Variants in PALS2 observed in about 807,000 individuals in gnomAD.
PALS2 encodes the protein protein associated with LIN7 2, MAGUK p55 family member.
PALS2 carries 27 observed loss-of-function variants against 61.6 expected under a neutral mutation model. That is an observed-to-expected ratio of 0.44 (90% confidence interval 0.32 to 0.60). PALS2 has a LOEUF of 0.60. PALS2 is among the 20% of genes least tolerant of loss of function. PALS2 has a pLI of 0.05. For missense variants in PALS2, 554 were observed against 639.4 expected (o/e 0.87, Z 1.44); for synonymous variants, 236 against 218.6 (o/e 1.08, Z -0.70).
chr7:24,663,667 T>C lies in PALS2; in HGVS notation c.729T>C (p.Phe243=), dbSNP rs1259463825. The C allele has an allele frequency of 6.2e-7, 1 of 1,607,780 alleles. No homozygotes were observed. Among genetic ancestry groups the C allele is most frequent in the Non-Finnish European group, 8.5e-7 (1 of 1,174,798 alleles). ...CTTGCAAAGAAGCAGGATTGAAGTT[T>C]TCCAAAGGAGAGATTCTTCAGATTG... ...LIPCKEAGLK[F]SKGEILQIVN... The change falls in exon 6 of 12, where the codon TTT becomes TTC. Residue 243 remains phenylalanine (F), a synonymous_variant. Coordinates refer to ENST00000222644, the MANE Select transcript of PALS2 (RefSeq NM_001303037.2).
At chr7:24,640,747 G>A (rs990382139) in intron 2 of PALS2, among the ~76,000 whole-genome samples, 2 of 152,128 alleles carry the variant, frequency 1.3e-5, no homozygotes, top group African/African-American at 4.8e-5. Context: ...GGTGGCTCAT[G>A]CCTGTAATCC....
chr7:24,597,753 T>A (rs1783576226), intron 1 of PALS2, among the ~76,000 whole-genome samples: 1 of 152,192 alleles, frequency 6.6e-6, no homozygotes, highest in African/African-American at 2.4e-5. Context: ...ATGTATTTGA[T>A]TCTGCAAGTG....
At position 24,668,184 on chromosome 7, in the gene PALS2, A is replaced by T. The variant is rs138727872; in HGVS notation, c.953-315A>T. Among the ~76,000 whole-genome samples, 40 of 152,192 alleles carry T rather than the reference A, an allele frequency of 2.6e-4. No homozygotes were observed. The East Asian group carries it at 7.2e-3, about 27-fold the overall frequency. ...AAAAAAAATTAAAAATTAGCTGGGT[A>T]TAATGGCTCATACCTGTGGTTTCAT... On this transcript the variant is annotated intron_variant, in intron 8 of 11. Transcript: ENST00000222644.
chr7:24,633,034 A>AT (rs1306181108), intron 2 of PALS2, among the ~76,000 whole-genome samples: 4 of 152,280 alleles, frequency 2.6e-5, no homozygotes, highest in Non-Finnish European at 5.9e-5. Flanking sequence ...CCCATATAAT[A>AT]TTGCTGCCAT....
At chr7:24,624,805 C>CTCCT (rs1784670675) in intron 2 of PALS2, among the ~76,000 whole-genome samples, 1 of 152,006 alleles carries the variant, frequency 6.6e-6, no homozygotes, top group East Asian at 1.9e-4. Context: ...AGGGGTTTCA[C>CTCCT]CATGTTGGCG....
At position 24,693,885 on chromosome 7, in the gene PALS2, T is replaced by G. The variant is rs1398377694; in HGVS notation, c.*6271T>G. 1 of 152,182 alleles carries G rather than the reference T, an allele frequency of 6.6e-6. No homozygotes were observed. The highest frequency in any genetic ancestry group is 1.5e-5 in the Non-Finnish European group (1 of 68,030). 9.4% of individuals were successfully genotyped at this position (152,182 alleles called of 1,614,324 possible). A position where few individuals can be genotyped will look rare whatever the true frequency, so the allele number is the denominator to read the frequency against. ...ATGTGAAAACCTTGCTGTGGGAATT[T>G]TTTATTCTTCCTTTTCCCCCCACGC... On this transcript the variant is annotated 3_prime_UTR_variant, in exon 12 of 12. Transcript: ENST00000222644.
At chr7:24,685,098 G>A (rs1317508926) in intron 11 of PALS2, among the ~76,000 whole-genome samples, 2 of 151,812 alleles carry the variant, frequency 1.3e-5, no homozygotes, top group Non-Finnish European at 2.9e-5. Context: ...TCTTCCTGAT[G>A]CTCTCTCTTC....
chr7:24,659,873 T>G (rs60626178), intron 5 of PALS2, among the ~76,000 whole-genome samples: 7,199 of 152,286 alleles, frequency 0.047, 184 homozygotes, highest in Non-Finnish European at 0.058. Context: ...TCTCTCTCTG[T>G]GCAGCCTTTC....
At chr7:24,576,322 T>G (rs1184232772) in intron 1 of PALS2, among the ~76,000 whole-genome samples, 1 of 152,202 alleles carries the variant, frequency 6.6e-6, no homozygotes, top group African/African-American at 2.4e-5. Context: ...ATTTTCCTCC[T>G]TTTCTGTTAC....
chr7:24,589,522 C>G (rs1783203346), intron 1 of PALS2: 1 of 152,064 alleles, frequency 6.6e-6, no homozygotes, highest in Non-Finnish European at 1.5e-5. Context: ...GATATTTTAC[C>G]TAAGAAATAT....
intron 9 of PALS2, chr7:24,674,561 C>T (rs567451798): frequency 3.2e-4 from 48 of 152,352 alleles, no homozygotes; most frequent in African/African-American, 1.1e-3. Flanking sequence ...ACAACTGGCA[C>T]TCTGGAAGAG....
chr7:24,633,465 G>T (rs1562628286), intron 2 of PALS2, among the ~76,000 whole-genome samples: 5 of 112,702 alleles, frequency 4.4e-5, no homozygotes, highest in South Asian at 3.0e-4. Context: ...AGGTAAGGTT[G>T]CCCCCCCCCC....
chr7:24,641,356 C>T (rs1011109378), intron 2 of PALS2, among the ~76,000 whole-genome samples: 3 of 151,648 alleles, frequency 2.0e-5, no homozygotes, highest in African/African-American at 7.3e-5. Context: ...TAAAATGTAA[C>T]AATAACATCT....
At chr7:24,619,565 A>G (rs1009061385) in intron 1 of PALS2, among the ~76,000 whole-genome samples, 3 of 151,982 alleles carry the variant, frequency 2.0e-5, no homozygotes, top group Non-Finnish European at 4.4e-5. Flanking sequence ...AAAAATACAA[A>G]AAATTAGCTG....
chr7:24,659,258 G>A (rs1005715767), intron 5 of PALS2, among the ~76,000 whole-genome samples: 11 of 152,088 alleles, frequency 7.2e-5, no homozygotes, highest in African/African-American at 2.4e-4. Flanking sequence ...ATTATTGGGC[G>A]CCTAGGTTGA....
chr7:24,595,846 G>A (rs369319539), intron 1 of PALS2, among the ~76,000 whole-genome samples: 2 of 151,592 alleles, frequency 1.3e-5, no homozygotes, highest in African/African-American at 4.8e-5. Flanking sequence ...GAGAATATTG[G>A]TATGTGTGTG....
At chr7:24,609,151 C>T (rs1784027037) in intron 1 of PALS2, among the ~76,000 whole-genome samples, 1 of 152,146 alleles carries the variant, frequency 6.6e-6, no homozygotes, top group Non-Finnish European at 1.5e-5. Flanking sequence ...CTTCAAATGC[C>T]TGGTGATATA....
chr7:24,608,849 G>T (rs1430648171), intron 1 of PALS2, among the ~76,000 whole-genome samples: 1 of 152,124 alleles, frequency 6.6e-6, no homozygotes, highest in African/African-American at 2.4e-5. Context: ...CTGGCCTTAA[G>T]CCATCCTCCC....
intron 4 of PALS2, 142 bp downstream of exon 4, chr7:24,649,906 C>T: frequency 1.4e-6 from 1 of 723,186 alleles, no homozygotes; most frequent in East Asian, 3.2e-5. Flanking sequence ...AAAGACACAG[C>T]TGATGCTTTC....
Sources: gnomAD v4.1 joint callset for allele counts (sites outside exome capture counted in the v4.1 genomes callset) on GRCh38, gnomAD v4.1.1 for gene constraint, MANE v1.5 for transcripts, NCBI Gene and HGNC (gene_info 2026-07-23, HGNC 2026-07-21) for gene names.